AGMO: variants seen among roughly 807,000 people sequenced by gnomAD.
AGMO encodes the protein alkylglycerol monooxygenase, also known as glyceryl-ether monooxygenase.
AGMO carries 75 observed loss-of-function variants against 60.2 expected under a neutral mutation model. That is an observed-to-expected ratio of 1.25 (90% CI 1.03 to 1.51). AGMO has a LOEUF of 1.51. Ranked by LOEUF, AGMO falls within the 40% of genes most tolerant of loss-of-function variation. The probability of loss-of-function intolerance (pLI) is 0.00; values close to 1 mark genes in which losing one functional copy is unlikely to be tolerated. For missense variants in AGMO, 763 were observed against 525.5 expected, an observed-to-expected ratio of 1.45 and a Z score of -4.42; for synonymous variants, 261 against 177.1, an observed-to-expected ratio of 1.47 and a Z score of -3.76.
chr7:15,342,702 AG>A (rs1166282624), intron 12 of AGMO, among the ~76,000 whole-genome samples: 1 of 147,018 alleles, frequency 6.8e-6, no homozygotes, highest in Non-Finnish European at 1.5e-5. Flanking sequence ...TATTTAGAAA[AG>A]GAACTGTCAT....
chr7:15,209,394 T>G (rs780333039), intron 12 of AGMO, among the ~76,000 whole-genome samples: 16 of 106,674 alleles, frequency 1.5e-4, no homozygotes, highest in Admixed American at 7.7e-4. Context: ...AAAAATGAGG[T>G]TTTTTTTTAG....
chr7:15,275,655 C>A (rs1783762156), intron 12 of AGMO, among the ~76,000 whole-genome samples: 1 of 152,086 alleles, frequency 6.6e-6, no homozygotes, highest in Admixed American at 6.5e-5. Flanking sequence ...AAGGTCCCCA[C>A]TGCTATTGTG....
chr7:15,475,445 A>G (rs1264948410), intron 3 of AGMO, among the ~76,000 whole-genome samples: 2 of 152,162 alleles, frequency 1.3e-5, no homozygotes, highest in African/African-American at 4.8e-5. Context: ...ACAGGAACAG[A>G]AAACCAAACA....
the AGMO span, among the ~76,000 whole-genome samples, chr7:15,146,812 GA>G: frequency 6.6e-6 from 1 of 152,094 alleles, no homozygotes; most frequent in African/African-American, 2.4e-5. Context: ...ATCATCTTCT[GA>G]AACAGTAGCA....
chr7:15,118,685 T>C, the AGMO span, among the ~76,000 whole-genome samples: 1 of 152,046 alleles, frequency 6.6e-6, no homozygotes, highest in Admixed American at 6.6e-5. Flanking sequence ...AACCACTGAT[T>C]ATCTCTGCTA....
chr7:15,423,871 G>A (rs940979987), intron 4 of AGMO, among the ~76,000 whole-genome samples: 1 of 152,112 alleles, frequency 6.6e-6, no homozygotes, highest in African/African-American at 2.4e-5. Context: ...CTTGATGTCA[G>A]GCTTCCAGCT....
At chr7:15,266,172 T>C (rs1395149173) in intron 12 of AGMO, among the ~76,000 whole-genome samples, 1 of 152,018 alleles carries the variant, frequency 6.6e-6, no homozygotes, top group Non-Finnish European at 1.5e-5. Flanking sequence ...CTGTTTTTGT[T>C]TAATAGGTAT....
intron 5 of AGMO, among the ~76,000 whole-genome samples, chr7:15,399,354 C>T (rs1488526365): frequency 6.6e-6 from 1 of 152,002 alleles, no homozygotes; most frequent in African/African-American, 2.4e-5. Flanking sequence ...CTTTAAGAGC[C>T]AATGTTCTAA....
intron 12 of AGMO, among the ~76,000 whole-genome samples, chr7:15,338,472 TTA>T (rs983828031): frequency 5.3e-5 from 8 of 152,140 alleles, no homozygotes; most frequent in African/African-American, 7.2e-5. Context: ...CTGATCTTAT[TTA>T]ATTTAAAGTC....
rs764606401 is a variant in AGMO, at chr7:15,390,791, A to G, written c.743-41T>C. 297 of 1,454,144 alleles carry G rather than the reference A, an allele frequency of 2.0e-4. 1 individual carries two copies. The East Asian group carries it at 4.2e-3, about 20-fold the overall frequency. 90.1% of individuals were successfully genotyped at this position (1,454,144 alleles called of 1,614,324 possible). A position where few individuals can be genotyped will look rare whatever the true frequency, so the allele number is the denominator to read the frequency against. ...AAAGATATGAGATTTGGCTTCCTGT[A>G]AAGTAAAGGAGCTGATTTAATTTTT... On this transcript the variant is annotated intron_variant, in intron 7 of 12. Coordinates refer to ENST00000342526, the MANE Select transcript of AGMO (RefSeq NM_001004320.2).
At chr7:15,423,643 C>G (rs1780983305) in intron 4 of AGMO, among the ~76,000 whole-genome samples, 1 of 152,176 alleles carries the variant, frequency 6.6e-6, no homozygotes, top group Non-Finnish European at 1.5e-5. Context: ...TAGGTGGGCC[C>G]TAATCCAGGA....
intron 2 of AGMO, among the ~76,000 whole-genome samples, chr7:15,555,752 C>G (rs1388658353): frequency 6.6e-6 from 1 of 151,886 alleles, no homozygotes; most frequent in Non-Finnish European, 1.5e-5. Flanking sequence ...AAGCAGTGAA[C>G]CTTGCATTCA....
intron 12 of AGMO, among the ~76,000 whole-genome samples, chr7:15,205,938 G>T (rs751153541): frequency 2.6e-5 from 4 of 152,056 alleles, no homozygotes; most frequent in Non-Finnish European, 5.9e-5. Flanking sequence ...AATCGCAACA[G>T]TAAGAATTGA....
chr7:15,263,493 C>T (rs1347884412), intron 12 of AGMO, among the ~76,000 whole-genome samples: 4 of 152,034 alleles, frequency 2.6e-5, no homozygotes, highest in African/African-American at 7.2e-5. Context: ...AGTAAAACCA[C>T]TCTGGAAAAC....
At chr7:15,472,593 T>C (rs1360852675) in intron 3 of AGMO, among the ~76,000 whole-genome samples, 1 of 151,934 alleles carries the variant, frequency 6.6e-6, no homozygotes, top group African/African-American at 2.4e-5. Context: ...AGACGTGCTG[T>C]AAAATCACAG....
At chr7:15,279,202 T>C (rs1330814141) in intron 12 of AGMO, among the ~76,000 whole-genome samples, 3 of 152,084 alleles carry the variant, frequency 2.0e-5, no homozygotes, top group Non-Finnish European at 2.9e-5. Flanking sequence ...GGCAGAAGTG[T>C]AGAACCCTGG....
intron 3 of AGMO, among the ~76,000 whole-genome samples, chr7:15,515,031 C>A (rs1266902014): frequency 6.6e-6 from 1 of 152,184 alleles, no homozygotes; most frequent in African/African-American, 2.4e-5. Flanking sequence ...TCTCTACTCA[C>A]CTTTTTCTCT....
intron 3 of AGMO, among the ~76,000 whole-genome samples, chr7:15,537,344 G>T (rs866962204): frequency 6.6e-6 from 1 of 152,194 alleles, no homozygotes. Context: ...TGCACACCTA[G>T]ATCTTTTGAT....
intron 12 of AGMO, among the ~76,000 whole-genome samples, chr7:15,304,716 T>C (rs1370030256): frequency 2.0e-5 from 3 of 152,204 alleles, no homozygotes; most frequent in Admixed American, 2.0e-4. Context: ...ATATTTATTT[T>C]ATAGGATGTT....
Sources: gnomAD v4.1 joint callset for allele counts (sites outside exome capture counted in the v4.1 genomes callset) on GRCh38, gnomAD v4.1.1 for gene constraint, MANE v1.5 for transcripts, NCBI Gene and HGNC (gene_info 2026-07-23, HGNC 2026-07-21) for gene names.